Variants in FEM1B observed in about 807,000 individuals in gnomAD.
The protein encoded by FEM1B is protein fem-1 homolog B.
In FEM1B, 10 loss-of-function variants were observed where a neutral mutation model predicts 38.6. That is an observed-to-expected ratio of 0.26 (90% CI 0.16 to 0.44). The LOEUF is 0.44. FEM1B is among the 20% of genes least tolerant of loss of function. The pLI, the probability that FEM1B is intolerant of heterozygous loss-of-function variation, is 1.00. For missense variants in FEM1B, 471 were observed against 786.7 expected (o/e 0.60, Z 4.80); for synonymous variants, 288 against 288.0 (o/e 1.00, Z 0.00).
rs1024542701 is a variant in FEM1B, at chr15:68,289,097, G to A, written c.249-510G>A. On this transcript the variant is annotated intron_variant, in intron 1 of 1. Coordinates refer to ENST00000306917, the MANE Select transcript of FEM1B (RefSeq NM_015322.5). The surrounding 1 kb of genome is among the most constrained non-coding windows in gnomAD (Gnocchi z 6.9). ...ATTTCATTCTCATTGCTGTAGTATA[G>A]TACTCAATTAGCTTAGGGGAAACTT... Among the ~76,000 whole-genome samples, 5 of 152,186 alleles carry A rather than the reference G, an allele frequency of 3.3e-5. No individual in the cohort carries two copies. The highest frequency in any genetic ancestry group is 1.3e-4 in the Admixed American group (2 of 15,284).
intron 1 of FEM1B, among the ~76,000 whole-genome samples, chr15:68,283,976 C>T (rs1892756358): frequency 6.6e-6 from 1 of 151,530 alleles, no homozygotes. Flanking sequence ...AACTCTGCCT[C>T]CCAGGTTCAA....
At position 68,278,374 on chromosome 15, in the gene FEM1B, C is replaced by T; in HGVS notation, c.-44C>T. On this transcript the variant is annotated 5_prime_UTR_variant, in exon 1 of 2. Transcript: ENST00000306917. This position sits in a 1 kb window ranked among gnomAD's most constrained non-coding sequence, Gnocchi z 5.7. ...CGCGGCCTCCGGGGGCGCACGGCAG[C>T]TGCAGCGGTGGCGACCAAACGGGTG... 6.3e-7 allele frequency: 1 copy of T among 1,583,396 alleles called. No homozygotes were observed. Among genetic ancestry groups the T allele is most frequent in the Non-Finnish European group, 8.6e-7 (1 of 1,164,326 alleles).
rs769254664 is a variant in FEM1B at position 68,280,817 on chromosome 15, A to T, written c.248+2152A>T. 6.6e-6 allele frequency among the ~76,000 whole-genome samples: 1 copy of T among 152,226 alleles called. No homozygotes were observed. Among genetic ancestry groups the T allele is most frequent in the Non-Finnish European group, 1.5e-5 (1 of 68,046 alleles). ...TAAGATTTCATCTCCTTGATTCTGT[A>T]TATCAGTTTAGCTTATGGATTATTA... On this transcript the variant is annotated intron_variant, in intron 1 of 1. Coordinates refer to ENST00000306917, the MANE Select transcript of FEM1B (RefSeq NM_015322.5). This position sits in a 1 kb window ranked among gnomAD's most constrained non-coding sequence, Gnocchi z 4.2.
At position 68,289,001 on chromosome 15, in the gene FEM1B, G is replaced by A. The variant is rs900599372; in HGVS notation, c.249-606G>A. On this transcript the variant is annotated intron_variant, in intron 1 of 1. Coordinates refer to ENST00000306917, the MANE Select transcript of FEM1B (RefSeq NM_015322.5). This position sits in a 1 kb window ranked among gnomAD's most constrained non-coding sequence, Gnocchi z 6.9. ...TAAATGTAATAATATAATATGTGCT[G>A]TGTTCATCTGACTTCTTTTCTCAGC... Among the ~76,000 whole-genome samples the A allele has an allele frequency of 2.0e-5, 3 of 152,134 alleles. No individual in the cohort carries two copies. Among genetic ancestry groups the A allele is most frequent in the Admixed American group, 6.5e-5 (1 of 15,274 alleles).
In FEM1B at chr15:68,292,434, A is replaced by G. The variant is rs954322455; in HGVS notation, c.*1192A>G. Reference sequence around the variant, plus strand: ...GTTTTTTTGTTTTGTTTTAATGGCAACATTGTAACTGTCAAACTAAAAGGG... The same window carrying G: ...GTTTTTTTGTTTTGTTTTAATGGCAGCATTGTAACTGTCAAACTAAAAGGG... On this transcript the variant is annotated 3_prime_UTR_variant, in exon 2 of 2. Coordinates refer to ENST00000306917, the MANE Select transcript of FEM1B (RefSeq NM_015322.5). 3 of 152,142 alleles carry G rather than the reference A, an allele frequency of 2.0e-5. No homozygotes were observed. The highest frequency in any genetic ancestry group is 4.4e-5 in the Non-Finnish European group (3 of 67,988). 9.4% of individuals were successfully genotyped at this position (152,142 alleles called of 1,614,324 possible).
At chr15:68,283,965 A>G (rs1892756226) in intron 1 of FEM1B, among the ~76,000 whole-genome samples, 1 of 150,814 alleles carries the variant, frequency 6.6e-6, no homozygotes, top group Non-Finnish European at 1.5e-5. Context: ...GGCTCACCGC[A>G]AACTCTGCCT....
rs1232792999 is a variant in FEM1B, at chr15:68,295,113, A to T, written c.*3871A>T. 1.3e-5 allele frequency: 2 copies of T among 152,238 alleles called. No individual in the cohort carries two copies. Among genetic ancestry groups the T allele is most frequent in the Non-Finnish European group, 2.9e-5 (2 of 68,046 alleles). The allele number at this position is 152,238 out of a possible 1,614,324, so 9.4% of individuals were successfully genotyped here. A position where few individuals can be genotyped will look rare whatever the true frequency, so the allele number is the denominator to read the frequency against. On this transcript the variant is annotated 3_prime_UTR_variant, in exon 2 of 2. Transcript: ENST00000306917. ...ATAGTGGAGATATATTAATTTTTAA[A>T]ACTGTAAAGTAAATGTGGTCTCTAG...
chr15:68,293,101 G>T lies in FEM1B; in HGVS notation c.*1859G>T, dbSNP rs941637953. Reference sequence around the variant, plus strand: ...AAAATTACCAGACTTGATCCTCCTGGTATGAATCAAGGAAATACTGTACCT... The same window carrying T: ...AAAATTACCAGACTTGATCCTCCTGTTATGAATCAAGGAAATACTGTACCT... On this transcript the variant is annotated 3_prime_UTR_variant, in exon 2 of 2. Transcript: ENST00000306917. The surrounding 1 kb of genome is among the most constrained non-coding windows in gnomAD (Gnocchi z 5.8). 1 of 152,090 alleles carries T rather than the reference G, an allele frequency of 6.6e-6. No homozygotes were observed. Among genetic ancestry groups the T allele is most frequent in the Non-Finnish European group, 1.5e-5 (1 of 67,994 alleles). 9.4% of individuals were successfully genotyped at this position (152,090 alleles called of 1,614,324 possible).
At position 68,278,806 on chromosome 15, in the gene FEM1B, A is replaced by C; in HGVS notation, c.248+141A>C. On this transcript the variant is annotated intron_variant, in intron 1 of 1. Coordinates refer to ENST00000306917, the MANE Select transcript of FEM1B (RefSeq NM_015322.5). The surrounding 1 kb of genome is among the most constrained non-coding windows in gnomAD (Gnocchi z 5.7). Reference sequence around the variant, plus strand: ...TTTTGTACCACCTCCTGCCCCACTAATGCCCACTTCATCTTCCAGGGCTAA... The same window carrying C: ...TTTTGTACCACCTCCTGCCCCACTACTGCCCACTTCATCTTCCAGGGCTAA... 3 of 915,586 alleles carry C rather than the reference A, an allele frequency of 3.3e-6. No homozygotes were observed. Among genetic ancestry groups the C allele is most frequent in the Non-Finnish European group, 5.0e-6 (3 of 602,812 alleles). 56.7% of individuals were successfully genotyped at this position (915,586 alleles called of 1,614,324 possible).
chr15:68,287,830 CTTTT>C (rs71455589), intron 1 of FEM1B, among the ~76,000 whole-genome samples: 71 of 114,668 alleles, frequency 6.2e-4, no homozygotes, highest in Non-Finnish European at 1.8e-4. Flanking sequence ...GCTAACGTCT[CTTTT>C]TTTTTTTTTT....
chr15:68,278,727 C>T lies in FEM1B; in HGVS notation c.248+62C>T. ...GCGGACTCGTTAATTCACGGGCCCT[C>T]CCCTCCCTCACCCTCTCTTACCCTC... is the stretch of plus-strand genomic sequence containing the variant. On this transcript the variant is annotated intron_variant, in intron 1 of 1. Transcript: ENST00000306917. This position sits in a 1 kb window ranked among gnomAD's most constrained non-coding sequence, Gnocchi z 5.7. The T allele has an allele frequency of 1.9e-6, 3 of 1,593,368 alleles. No individual in the cohort carries two copies. The highest frequency in any genetic ancestry group is 2.2e-5 in the East Asian group (1 of 44,612).
chr15:68,287,134 G>A (rs150061886), intron 1 of FEM1B, among the ~76,000 whole-genome samples: 132 of 152,196 alleles, frequency 8.7e-4, no homozygotes, highest in African/African-American at 2.9e-3. Flanking sequence ...CCGGTGATCC[G>A]CCTGCTTTGG....
In FEM1B at chr15:68,278,297, A is replaced by G. The variant is rs1595838644; in HGVS notation, c.-121A>G. The G allele has an allele frequency of 3.0e-6, 4 of 1,334,468 alleles. No individual in the cohort carries two copies. Among genetic ancestry groups the G allele is most frequent in the South Asian group, 3.0e-5 (2 of 66,064 alleles). 82.7% of individuals were successfully genotyped at this position (1,334,468 alleles called of 1,614,324 possible). On this transcript the variant is annotated 5_prime_UTR_variant, in exon 1 of 2. Coordinates refer to ENST00000306917, the MANE Select transcript of FEM1B (RefSeq NM_015322.5). This position sits in a 1 kb window ranked among gnomAD's most constrained non-coding sequence, Gnocchi z 5.7. ...CTGCTGCCTGGGCGCGGCGGCGGCG[A>G]CGGCGCCCTGTTGAATGGGCTGTGA...
rs188667388 is a variant in FEM1B, at chr15:68,278,917, G to C, written c.248+252G>C. Among the ~76,000 whole-genome samples, 57 of 152,200 alleles carry C rather than the reference G, an allele frequency of 3.7e-4. No individual in the cohort carries two copies. Among genetic ancestry groups the C allele is most frequent in the African/African-American group, 1.3e-3 (53 of 41,524 alleles). ...GGAAGATAACCACACCCTCGGCCTT[G>C]AAATCTAATAGTCGTCTTCTCTACT... On this transcript the variant is annotated intron_variant, in intron 1 of 1. Coordinates refer to ENST00000306917, the MANE Select transcript of FEM1B (RefSeq NM_015322.5). This position sits in a 1 kb window ranked among gnomAD's most constrained non-coding sequence, Gnocchi z 5.7.
In FEM1B at chr15:68,292,119, G is replaced by GTATC. The variant is rs1567114958; in HGVS notation, c.*879_*882dup. On this transcript the variant is annotated 3_prime_UTR_variant, in exon 2 of 2. Coordinates refer to ENST00000306917, the MANE Select transcript of FEM1B (RefSeq NM_015322.5). ...TTGTCCCCTTTTCCCTTTTTCTCCT[G>GTATC]TATCTTTTAAAATTTGGAAACTACT... 6.6e-6 allele frequency: 1 copy of GTATC among 151,960 alleles called. No individual in the cohort carries two copies. The highest frequency in any genetic ancestry group is 2.4e-5 in the African/African-American group (1 of 41,372). 9.4% of individuals were successfully genotyped at this position (151,960 alleles called of 1,614,324 possible).
chr15:68,278,165 G>C lies in FEM1B; in HGVS notation c.-253G>C, dbSNP rs1341595460. 2.2e-6 allele frequency: 1 copy of C among 448,842 alleles called. No homozygotes were observed. The highest frequency in any genetic ancestry group is 4.5e-5 in the East Asian group (1 of 22,294). The allele number at this position is 448,842 out of a possible 1,614,324, so 27.8% of individuals were successfully genotyped here. A position where few individuals can be genotyped will look rare whatever the true frequency, so the allele number is the denominator to read the frequency against. ...CCCTCGGTCCAGGGCCGGCGCCTGGGACCTGGCGGGCGGCCCTGACCGCCT... is the reference window on the plus strand; with the variant it reads ...CCCTCGGTCCAGGGCCGGCGCCTGGCACCTGGCGGGCGGCCCTGACCGCCT... On this transcript the variant is annotated 5_prime_UTR_variant, in exon 1 of 2. Coordinates refer to ENST00000306917, the MANE Select transcript of FEM1B (RefSeq NM_015322.5). This position sits in a 1 kb window ranked among gnomAD's most constrained non-coding sequence, Gnocchi z 5.7.
At position 68,290,217 on chromosome 15, in the gene FEM1B, G is replaced by T. The variant is rs1892831535; in HGVS notation, c.859G>T (p.Gly287Cys). 1.2e-6 allele frequency: 2 copies of T among 1,613,910 alleles called. No individual in the cohort carries two copies. The highest frequency in any genetic ancestry group is 3.3e-5 in the Admixed American group (2 of 60,012). The change falls in exon 2 of 2, where the codon GGT becomes TGT. Residue 287 changes from glycine (G) to cysteine (C), a missense_variant. Physicochemically the swap from Gly to Cys is radical, Grantham distance 159. This residue lies in a region of FEM1B where 380 missense variants were observed against 599.6 expected (regional missense o/e 0.63). Coordinates refer to ENST00000306917, the MANE Select transcript of FEM1B (RefSeq NM_015322.5). This position sits in a 1 kb window ranked among gnomAD's most constrained non-coding sequence, Gnocchi z 9.7. ...AGCCATGTTAGAGAGGTTCCAAGAT[G>T]GTGATAACATTCTCGAAAAAGAGGT... ...YLAMLERFQD[G>C]DNILEKEVLP...
At chr15:68,285,373 T>A (rs539758509) in intron 1 of FEM1B, among the ~76,000 whole-genome samples, 2 of 152,242 alleles carry the variant, frequency 1.3e-5, no homozygotes, top group South Asian at 4.1e-4. Context: ...ATCTGGTATA[T>A]ATCAAGGAGT....
In FEM1B at chr15:68,289,610, T is replaced by C. The variant is rs751332836; in HGVS notation, c.252T>C (p.Tyr84=). 1.2e-6 allele frequency: 2 copies of C among 1,613,160 alleles called. No homozygotes were observed. The highest frequency in any genetic ancestry group is 8.5e-7 in the Non-Finnish European group (1 of 1,179,246). The change falls in exon 2 of 2, where the codon TAT becomes TAC. Residue 84 remains tyrosine, a synonymous_variant. Coordinates refer to ENST00000306917, the MANE Select transcript of FEM1B (RefSeq NM_015322.5). The surrounding 1 kb of genome is among the most constrained non-coding windows in gnomAD (Gnocchi z 6.9). ...QQTGTVRFDG[Y]VIDGATALWC... ...TGCTTATTCTTTTCATGTGTAGGTA[T>C]GTCATTGATGGTGCCACTGCTCTTT...
Sources: gnomAD v4.1 joint callset for allele counts (sites outside exome capture counted in the v4.1 genomes callset) on GRCh38, gnomAD v4.1.1 for gene constraint, gnomAD v4.1.1 regional missense constraint, Gnocchi (gnomAD v3.1) non-coding constraint, MANE v1.5 for transcripts, NCBI Gene and HGNC (gene_info 2026-07-23, HGNC 2026-07-21) for gene names.